ANO2: variants seen among roughly 807,000 people sequenced by gnomAD.
ANO2 encodes anoctamin 2, also known as anoctamin-2.
Under a neutral mutation model 124.2 loss-of-function variants are expected in ANO2, and 101 were observed. The ratio of observed to expected loss-of-function variants is 0.81; its 90% CI spans 0.69 to 0.96. The LOEUF is 0.96. Among genes scored for constraint, ANO2 ranks in the 40% least tolerant of loss-of-function variants. ANO2 has a pLI of 0.00. For synonymous variants in ANO2, 486 were observed against 482.5 expected (o/e 1.01, Z -0.09); for missense variants, 1,293 against 1,274.5 (o/e 1.01, Z -0.22).
chr12:5,564,633 T>A (rs1285996049), intron 24 of ANO2: 4 of 152,210 alleles, frequency 2.6e-5, no homozygotes, highest in Non-Finnish European at 5.9e-5. Flanking sequence ...AGTCACACAC[T>A]CTTCCTCTGA....
chr12:5,618,180 C>T (rs1944929503), intron 16 of ANO2, among the ~76,000 whole-genome samples: 1 of 152,204 alleles, frequency 6.6e-6, no homozygotes, highest in Non-Finnish European at 1.5e-5. Context: ...CCCCTCCCTG[C>T]CTGAAGGTCA....
At chr12:5,910,146 A>G (rs1278615771) in intron 3 of ANO2, among the ~76,000 whole-genome samples, 1 of 152,218 alleles carries the variant, frequency 6.6e-6, no homozygotes, top group Non-Finnish European at 1.5e-5. Context: ...AGATTTGTGC[A>G]ACAAATTTGA....
chr12:5,644,422 T>A (rs574640140), intron 15 of ANO2, among the ~76,000 whole-genome samples: 24 of 152,278 alleles, frequency 1.6e-4, no homozygotes, highest in African/African-American at 5.3e-4. Context: ...AACATATCCA[T>A]CCTTCAAGAG....
intron 14 of ANO2, among the ~76,000 whole-genome samples, chr12:5,685,574 A>G (rs114148540): frequency 0.014 from 2,093 of 152,332 alleles, 48 homozygotes; most frequent in African/African-American, 0.046. Flanking sequence ...AGTTGAGCCC[A>G]GGAGTTTAAG....
In ANO2 at chr12:5,631,218, A is replaced by G. The variant is rs551212726; in HGVS notation, c.1816+3934T>C. ...TCAGACAGTACCTGATCAGCATCCAATGAATAGTGTGGATAAGAGTCTCCA... is the reference window on the plus strand; with the variant it reads ...TCAGACAGTACCTGATCAGCATCCAGTGAATAGTGTGGATAAGAGTCTCCA... On this transcript the variant is annotated intron_variant, in intron 16 of 24. Transcript: ENST00000682330. Among the ~76,000 whole-genome samples the G allele has an allele frequency of 5.9e-5, 9 of 152,340 alleles. No homozygotes were observed. In the East Asian group the frequency reaches 7.7e-4, roughly 13 times the overall value.
chr12:5,750,262 C>T (rs889497930), intron 11 of ANO2, among the ~76,000 whole-genome samples: 1 of 152,186 alleles, frequency 6.6e-6, no homozygotes, highest in Non-Finnish European at 1.5e-5. Flanking sequence ...TTCTCTCTTC[C>T]TCATAAAAAC....
chr12:5,788,208 GC>G, intron 10 of ANO2, among the ~76,000 whole-genome samples: 1 of 152,314 alleles, frequency 6.6e-6, no homozygotes, highest in South Asian at 2.1e-4. Flanking sequence ...ACAGCCCAGA[GC>G]CAGGACCAAC....
At chr12:5,842,682 T>C (rs1010389104) in intron 4 of ANO2, among the ~76,000 whole-genome samples, 3 of 152,166 alleles carry the variant, frequency 2.0e-5, no homozygotes, top group Admixed American at 1.3e-4. Context: ...CGGTTTAGAT[T>C]AACTTGCTAT....
chr12:5,694,803 G>A (rs1215115509), intron 14 of ANO2, among the ~76,000 whole-genome samples: 19 of 152,014 alleles, frequency 1.2e-4, no homozygotes, highest in Admixed American at 1.2e-3. Context: ...AGCATTGGTG[G>A]CAGGGCTGAG....
At chr12:5,575,701 C>T (rs1942359280) in intron 23 of ANO2, 133 bp downstream of exon 23, 5 of 981,244 alleles carry the variant, frequency 5.1e-6, no homozygotes, top group African/African-American at 3.3e-5. Flanking sequence ...ACGGGACAAT[C>T]GCCATATATG....
Position 5,821,156 on chromosome 12 carries a change from C to T in ANO2, c.892+6613G>A, listed in dbSNP as rs1474351986. On this transcript the variant is annotated intron_variant, in intron 7 of 24. Coordinates refer to ENST00000682330, the MANE Select transcript of ANO2 (RefSeq NM_001364791.2). ...AGCAAGAAGTAGCAAACACACCAGACTTATGGGTGAGACATTTGCATGCCA... is the reference window on the plus strand; with the variant it reads ...AGCAAGAAGTAGCAAACACACCAGATTTATGGGTGAGACATTTGCATGCCA... 2.0e-5 allele frequency among the ~76,000 whole-genome samples: 3 copies of T among 152,192 alleles called. 1 individual carries two copies. Among genetic ancestry groups the T allele is most frequent in the African/African-American group, 7.2e-5 (3 of 41,446 alleles).
At chr12:5,899,000 A>T (rs1202553481) in intron 3 of ANO2, among the ~76,000 whole-genome samples, 1 of 152,186 alleles carries the variant, frequency 6.6e-6, no homozygotes, top group Non-Finnish European at 1.5e-5. Flanking sequence ...CTCAAGGAAA[A>T]AAGTTGAGCC....
chr12:5,595,686 C>T (rs1341681994), intron 20 of ANO2, among the ~76,000 whole-genome samples: 1 of 152,110 alleles, frequency 6.6e-6, no homozygotes, highest in Non-Finnish European at 1.5e-5. Flanking sequence ...ATGCCATCAG[C>T]GTGTGTACCA....
intron 16 of ANO2, among the ~76,000 whole-genome samples, chr12:5,634,384 A>G (rs2136936437): frequency 6.6e-6 from 1 of 152,298 alleles, no homozygotes; most frequent in African/African-American, 2.4e-5. Flanking sequence ...TGAGGTTAAC[A>G]AGAAGCTGGG....
chr12:5,906,527 T>G (rs1459322156), intron 3 of ANO2, among the ~76,000 whole-genome samples: 1 of 152,092 alleles, frequency 6.6e-6, no homozygotes, highest in African/African-American at 2.4e-5. Flanking sequence ...CCAGGCGCAG[T>G]GGCTCATGCC....
chr12:5,857,412 A>G (rs970985134), intron 3 of ANO2, among the ~76,000 whole-genome samples: 1 of 152,226 alleles, frequency 6.6e-6, no homozygotes, highest in African/African-American at 2.4e-5. Context: ...GCTAGGTCAT[A>G]TGCCAGTCCC....
At chr12:5,611,006 C>T (rs1270770824) in intron 19 of ANO2, among the ~76,000 whole-genome samples, 6 of 86,758 alleles carry the variant, frequency 6.9e-5, no homozygotes, top group South Asian at 3.1e-4. Context: ...GAGTCTTGCT[C>T]TGTTGCCAGG....
intron 15 of ANO2, among the ~76,000 whole-genome samples, chr12:5,640,924 CAT>C (rs1946345220): frequency 6.6e-6 from 1 of 152,320 alleles, no homozygotes; most frequent in Admixed American, 6.5e-5. Context: ...CACATGCACA[CAT>C]ATGTTTATTG....
intron 19 of ANO2, among the ~76,000 whole-genome samples, chr12:5,600,358 A>G (rs7133726): frequency 6.6e-6 from 1 of 152,120 alleles, no homozygotes; most frequent in African/African-American, 2.4e-5. Flanking sequence ...TGATCTTGAA[A>G]CTTTCAGCCT....
Sources: allele counts gnomAD v4.1 joint callset (sites outside exome capture counted in the v4.1 genomes callset), GRCh38; gene constraint gnomAD v4.1.1; transcripts MANE v1.5; gene names NCBI Gene and HGNC (gene_info 2026-07-23, HGNC 2026-07-21).